The following FOXP1 variants were observed in gnomAD, a reference collection of about 807,000 sequenced individuals.
FOXP1 encodes forkhead box P1, also known as forkhead box protein P1.
FOXP1 carries 15 observed loss-of-function variants against 98.2 expected under a neutral mutation model. The observed-to-expected ratio is 0.15, with a 90% confidence interval of 0.10 to 0.24. The LOEUF (loss-of-function observed/expected upper bound fraction) is 0.24. Ranked by LOEUF, FOXP1 falls within the 10% of genes least tolerant of loss-of-function variation. The pLI, the probability that FOXP1 is intolerant of heterozygous loss-of-function variation, is 1.00. For missense variants in FOXP1, 633 were observed against 848.5 expected (o/e 0.75, Z 3.15); for synonymous variants, 371 against 314.5 (o/e 1.18, Z -1.90).
In FOXP1 at chr3:70,965,945, G is replaced by A; in HGVS notation, c.1834C>T (p.His612Tyr). ...IREELNGAME[H>Y]TNSNESDSSP... ...CTGTCACTCTCGTTGCTGTTGGTAT[G>A]CTCCATTGCCCCGTTCAGCTCTTCC... is the stretch of plus-strand genomic sequence containing the variant. Residue 612 changes from histidine (H) to tyrosine (Y), a missense_variant, in exon 20 of 21, where the codon CAT becomes TAT. Physicochemically the swap from His to Tyr is moderately conservative, Grantham distance 83. This residue lies in a region of FOXP1 where 150 missense variants were observed against 163.7 expected (regional missense o/e 0.92). Coordinates refer to ENST00000649528, the MANE Select transcript of FOXP1 (RefSeq NM_001349338.3). 6.2e-7 allele frequency: 1 copy of A among 1,614,120 alleles called. No homozygotes were observed. Among genetic ancestry groups the A allele is most frequent in the Non-Finnish European group, 8.5e-7 (1 of 1,180,008 alleles).
In FOXP1 at chr3:71,208,722, C is replaced by T. The variant is rs113936615; in HGVS notation, c.-11-10330G>A. Among the ~76,000 whole-genome samples the T allele has an allele frequency of 6.2e-3, 939 of 152,116 alleles. 8 individuals carry two copies. The highest frequency in any genetic ancestry group is 0.022 in the African/African-American group (896 of 41,480). On this transcript the variant is annotated intron_variant, in intron 5 of 20. Transcript: ENST00000649528. Reference sequence around the variant, plus strand: ...CTTACAAGAGCAATTTAACATTAACCAGGTGGAATAATCAACAGATTTCAT... The same window carrying T: ...CTTACAAGAGCAATTTAACATTAACTAGGTGGAATAATCAACAGATTTCAT...
chr3:71,137,136 C>A (rs1444463220), intron 6 of FOXP1, among the ~76,000 whole-genome samples: 1 of 152,138 alleles, frequency 6.6e-6, no homozygotes, highest in Non-Finnish European at 1.5e-5. Context: ...GTATCTCAGA[C>A]ACGCCTAGCG....
intron 5 of FOXP1, among the ~76,000 whole-genome samples, chr3:71,295,105 T>C (rs1374910535): frequency 6.6e-6 from 1 of 152,182 alleles, no homozygotes; most frequent in Non-Finnish European, 1.5e-5. Context: ...TGTATGTGTG[T>C]ACGGGGGATC....
At chr3:71,066,211 T>C (rs924893844) in intron 7 of FOXP1, among the ~76,000 whole-genome samples, 14 of 152,064 alleles carry the variant, frequency 9.2e-5, no homozygotes, top group Admixed American at 3.3e-4. Context: ...AGAAAGAATA[T>C]TGGTAATATT....
intron 5 of FOXP1, among the ~76,000 whole-genome samples, chr3:71,219,256 T>A (rs2065177492): frequency 6.6e-6 from 1 of 152,160 alleles, no homozygotes; most frequent in African/African-American, 2.4e-5. Context: ...CCATAGCCCA[T>A]CTGATCATGT....
At chr3:71,198,815 C>T (rs1251645291) in intron 5 of FOXP1, among the ~76,000 whole-genome samples, 2 of 151,838 alleles carry the variant, frequency 1.3e-5, no homozygotes, top group Non-Finnish European at 2.9e-5. Flanking sequence ...GCCTCAGCCT[C>T]CGAGTAGCTA....
intron 3 of FOXP1, among the ~76,000 whole-genome samples, chr3:71,414,454 C>T (rs1043456239): frequency 3.9e-5 from 6 of 152,224 alleles, no homozygotes; most frequent in Admixed American, 2.6e-4. Flanking sequence ...ACCATCCACA[C>T]CCACACAGCA....
At chr3:71,175,000 G>A (rs968806060) in intron 6 of FOXP1, among the ~76,000 whole-genome samples, 4 of 150,186 alleles carry the variant, frequency 2.7e-5, no homozygotes, top group Admixed American at 6.7e-5. Flanking sequence ...TGCAACCTCC[G>A]CCCCCGGGTT....
chr3:71,488,610 T>C (rs980335045), intron 3 of FOXP1, among the ~76,000 whole-genome samples: 1 of 152,256 alleles, frequency 6.6e-6, no homozygotes, highest in East Asian at 1.9e-4. Context: ...CCTAGCCAGT[T>C]AGCTATGTGG....
chr3:71,334,769 A>G (rs1363239581), intron 4 of FOXP1: 2 of 152,212 alleles, frequency 1.3e-5, no homozygotes, highest in Middle Eastern at 3.2e-3. Context: ...TACAGTACCC[A>G]TGAGCCTTTT....
At chr3:71,075,841 A>C (rs951068319) in intron 7 of FOXP1, among the ~76,000 whole-genome samples, 6 of 151,966 alleles carry the variant, frequency 3.9e-5, no homozygotes, top group African/African-American at 7.3e-5. Context: ...TAGCCTCCCC[A>C]GTAGCTGGGA....
chr3:71,019,526 C>G (rs1455650901), intron 11 of FOXP1, among the ~76,000 whole-genome samples: 1 of 152,138 alleles, frequency 6.6e-6, no homozygotes, highest in East Asian at 1.9e-4. Flanking sequence ...TACTCAGTAC[C>G]TCCGACAGAA....
At chr3:71,249,492 G>A (rs958148833) in intron 5 of FOXP1, among the ~76,000 whole-genome samples, 3 of 152,172 alleles carry the variant, frequency 2.0e-5, no homozygotes, top group African/African-American at 7.2e-5. Context: ...TGAAAATGAG[G>A]AGACTGAGGC....
chr3:71,526,522 A>G lies in FOXP1; in HGVS notation c.-297-32967T>C, dbSNP rs529956444. Among the ~76,000 whole-genome samples the G allele has an allele frequency of 4.6e-5, 7 of 152,366 alleles. No homozygotes were observed. The South Asian group carries it at 1.4e-3, about 32-fold the overall frequency. On this transcript the variant is annotated intron_variant, in intron 2 of 20. Coordinates refer to ENST00000649528, the MANE Select transcript of FOXP1 (RefSeq NM_001349338.3). ...ATAGTAAGGGAATTCCATCCAAAGC[A>G]GAAACGGGGCTCTAAGAAGCAAATG...
intron 4 of FOXP1, among the ~76,000 whole-genome samples, chr3:71,345,375 G>C (rs1217879567): frequency 6.6e-6 from 1 of 150,520 alleles, no homozygotes; most frequent in African/African-American, 2.5e-5. Flanking sequence ...GTGACAGAGA[G>C]AGAATCTGTC....
At position 70,999,711 on chromosome 3, in the gene FOXP1, G is replaced by A. The variant is rs115758031; in HGVS notation, c.1062+1261C>T. Reference sequence around the variant, plus strand: ...AAAAAAATCCTTTCTATCCTGAAAAGTCACAACAAAAAGTTTAAGTGTATT... The same window carrying A: ...AAAAAAATCCTTTCTATCCTGAAAAATCACAACAAAAAGTTTAAGTGTATT... On this transcript the variant is annotated intron_variant, in intron 13 of 20. Coordinates refer to ENST00000649528, the MANE Select transcript of FOXP1 (RefSeq NM_001349338.3). 3.0e-3 allele frequency among the ~76,000 whole-genome samples: 442 copies of A among 146,878 alleles called. 4 individuals are homozygous for A. Among genetic ancestry groups the A allele is most frequent in the African/African-American group, 0.011 (429 of 40,568 alleles).
intron 5 of FOXP1, among the ~76,000 whole-genome samples, chr3:71,247,229 A>T (rs1427366808): frequency 3.9e-5 from 6 of 152,206 alleles, no homozygotes; most frequent in Admixed American, 1.3e-4. Flanking sequence ...CACAAAGGGA[A>T]AGGGGGAAAT....
At chr3:71,583,357 C>T (rs2048341741) in intron 1 of FOXP1, 1 of 780,474 alleles carries the variant, frequency 1.3e-6, no homozygotes, top group South Asian at 5.8e-5. Flanking sequence ...GGGCCTCGAC[C>T]CGGGGGGGAG....
chr3:70,999,660 G>A (rs1032750587), intron 13 of FOXP1, among the ~76,000 whole-genome samples: 2 of 151,950 alleles, frequency 1.3e-5, no homozygotes, highest in African/African-American at 4.8e-5. Context: ...AAATGTAATT[G>A]GTCATATAAG....
Sources: allele counts gnomAD v4.1 joint callset (sites outside exome capture counted in the v4.1 genomes callset), GRCh38; gene constraint gnomAD v4.1.1; regional missense constraint gnomAD v4.1.1; transcripts MANE v1.5; gene names NCBI Gene and HGNC (gene_info 2026-07-23, HGNC 2026-07-21).